The following CASP6 variants were observed in gnomAD, a reference collection of about 807,000 sequenced individuals.
CASP6 encodes the protein caspase-6.
A neutral mutation model predicts 31.8 loss-of-function variants in CASP6; 20 were observed. The observed-to-expected ratio is 0.63, with a 90% CI of 0.44 to 0.91. The LOEUF (loss-of-function observed/expected upper bound fraction) is 0.91. Among genes scored for constraint, CASP6 ranks in the 40% least tolerant of loss-of-function variants. The pLI is 0.00. For missense variants in CASP6, 328 were observed against 361.1 expected (o/e 0.91, Z 0.74); for synonymous variants, 130 against 127.8 (o/e 1.02, Z -0.12).
chr4:109,708,551 T>C (rs763297066), upstream of CASP6, among the ~76,000 whole-genome samples: 3 of 152,220 alleles, frequency 2.0e-5, no homozygotes, highest in Admixed American at 1.3e-4. Context: ...GAATGAGTTA[T>C]CTGACCACCA....
intron 4 of CASP6, among the ~76,000 whole-genome samples, chr4:109,695,049 C>T (rs1203724500): frequency 2.6e-5 from 4 of 152,016 alleles, no homozygotes; most frequent in East Asian, 1.9e-4. Context: ...AGGCTAGTCT[C>T]GAACTCCTGA....
At position 109,688,874 on chromosome 4, in the gene CASP6, T is replaced by C. The variant is rs1224575794; in HGVS notation, c.*456A>G. The C allele has an allele frequency of 7.2e-6, 1 of 138,032 alleles. No individual in the cohort carries two copies. The highest frequency in any genetic ancestry group is 2.8e-5 in the African/African-American group (1 of 36,312). 8.6% of individuals were successfully genotyped at this position (138,032 alleles called of 1,614,324 possible). A position where few individuals can be genotyped will look rare whatever the true frequency, so the allele number is the denominator to read the frequency against. On this transcript the variant is annotated 3_prime_UTR_variant, in exon 7 of 7. Coordinates refer to ENST00000265164, the MANE Select transcript of CASP6 (RefSeq NM_001226.4). Reference sequence around the variant, plus strand: ...CCATGGCCAACATGAACTTTTTTTTTTTTTTTTTAAGGCAGTTCTCTGCTA... The same window carrying C: ...CCATGGCCAACATGAACTTTTTTTTCTTTTTTTTAAGGCAGTTCTCTGCTA...
At chr4:109,705,752 T>A (rs1278013414), upstream of CASP6, among the ~76,000 whole-genome samples, 1 of 150,572 alleles carries the variant, frequency 6.6e-6, no homozygotes, top group Non-Finnish European at 1.5e-5. Flanking sequence ...CCAAGGTGGA[T>A]TGCTTGAGGC....
chr4:109,708,007 T>G (rs564216414), upstream of CASP6, among the ~76,000 whole-genome samples: 1 of 152,032 alleles, frequency 6.6e-6, no homozygotes, highest in South Asian at 2.1e-4. Flanking sequence ...AACCTTAGAG[T>G]GGGAAAAAAA....
At chr4:109,696,525 T>G in intron 3 of CASP6, 39 bp from the exon 4 acceptor site, 1 of 1,419,902 alleles carries the variant, frequency 7.0e-7, no homozygotes, top group Non-Finnish European at 9.8e-7. Flanking sequence ...CTATAAACTT[T>G]TCAAAGTTGT....
chr4:109,703,859 A>G (rs1240268748), upstream of CASP6, among the ~76,000 whole-genome samples: 2 of 152,142 alleles, frequency 1.3e-5, no homozygotes, highest in Non-Finnish European at 2.9e-5. Flanking sequence ...TATACCGCTT[A>G]GCAGATACTG....
upstream of CASP6, among the ~76,000 whole-genome samples, chr4:109,706,168 T>TATATATATACATAC (rs1438834395): frequency 9.7e-5 from 9 of 92,488 alleles, no homozygotes; most frequent in African/African-American, 4.9e-4. Context: ...TATATATATA[T>TATATATATACATAC]ATACACACAC....
chr4:109,689,948 G>A (rs924473372), intron 6 of CASP6, among the ~76,000 whole-genome samples: 6 of 152,110 alleles, frequency 3.9e-5, no homozygotes, highest in Non-Finnish European at 4.4e-5. Context: ...ACTTTGGGAG[G>A]CTGAGGCAGG....
In CASP6 at chr4:109,689,414, G is replaced by GTCTT. The variant is rs747849698; in HGVS notation, c.794_797dup (p.Asp266GlufsTer20). On this transcript the variant is annotated frameshift_variant, in exon 7 of 7. Transcript: ENST00000265164. LOFTEE classifies it high-confidence loss of function. ...CCTGCTTCTTTCCAATTGCACTTGG[G>GTCTT]TCTTTGCAAAAGTCCACTCGGCGCT... 3.7e-6 allele frequency: 6 copies of GTCTT among 1,614,158 alleles called. No homozygotes were observed. In the Admixed American group the frequency reaches 5.0e-5, roughly 13 times the overall value.
intron 5 of CASP6, 61 bp downstream of exon 5, chr4:109,694,464 C>T: frequency 7.1e-7 from 1 of 1,411,940 alleles, no homozygotes; most frequent in Non-Finnish European, 9.3e-7. Context: ...GCTTTTAGAC[C>T]TTTATCACAT....
the CASP6 span, among the ~76,000 whole-genome samples, chr4:109,664,580 A>G: frequency 1.3e-5 from 2 of 151,990 alleles, no homozygotes; most frequent in Admixed American, 1.3e-4. Context: ...ATGCACCACC[A>G]TGCCTGGCTA....
At chr4:109,682,906 A>C in the CASP6 span, 3 of 565,546 alleles carry the variant, frequency 5.3e-6, no homozygotes, top group Middle Eastern at 7.6e-4. Flanking sequence ...CATTTTTCAG[A>C]TGAGGAAACT....
chr4:109,684,964 T>C, downstream of CASP6: 1 of 390,986 alleles, frequency 2.6e-6, no homozygotes, highest in Non-Finnish European at 4.5e-6. Flanking sequence ...CTTTGCCTCA[T>C]GGTTATTTAA....
At chr4:109,685,122 C>T (rs1579101161), downstream of CASP6, 3 of 586,890 alleles carry the variant, frequency 5.1e-6, no homozygotes, top group Admixed American at 2.8e-5. Flanking sequence ...CTCTCATGGC[C>T]ATTGCAAATA....
intron 4 of CASP6, 105 bp downstream of exon 4, chr4:109,696,305 C>A: frequency 1.3e-6 from 1 of 791,306 alleles, no homozygotes; most frequent in Non-Finnish European, 2.0e-6. Context: ...TAAATTAATA[C>A]TTTTTTTGTC....
Position 109,697,562 on chromosome 4 carries a change from T to G in CASP6, c.230+60A>C, listed in dbSNP as rs1052865542. The G allele has an allele frequency of 1.4e-5, 21 of 1,534,438 alleles. No homozygotes were observed. The African/African-American group carries it at 2.6e-4, about 19-fold the overall frequency. ...GATTACCAGCATGAACCACCACACCTGGCCAAAAGTAATTTTATCACTTAA... is the reference window on the plus strand; with the variant it reads ...GATTACCAGCATGAACCACCACACCGGGCCAAAAGTAATTTTATCACTTAA... On this transcript the variant is annotated intron_variant, in intron 3 of 6. Coordinates refer to ENST00000265164, the MANE Select transcript of CASP6 (RefSeq NM_001226.4).
intron 1 of CASP6, among the ~76,000 whole-genome samples, chr4:109,701,900 G>A (rs927857388): frequency 1.3e-5 from 2 of 151,918 alleles, no homozygotes; most frequent in African/African-American, 4.8e-5. Flanking sequence ...CCATCCCCAC[G>A]CAGCCCCTCC....
chr4:109,692,219 T>C (rs1046863178), intron 5 of CASP6: 1 of 152,224 alleles, frequency 6.6e-6, no homozygotes, highest in Non-Finnish European at 1.5e-5. Flanking sequence ...TTTTTTCTAC[T>C]GTCCTTCCTA....
chr4:109,674,440 T>G, the CASP6 span, among the ~76,000 whole-genome samples: 7 of 152,252 alleles, frequency 4.6e-5, no homozygotes, highest in Non-Finnish European at 7.3e-5. Flanking sequence ...AGGCCAATCC[T>G]GAAGGTACTC....
Sources: gnomAD v4.1 joint callset for allele counts (sites outside exome capture counted in the v4.1 genomes callset) on GRCh38, gnomAD v4.1.1 for gene constraint, MANE v1.5 for transcripts, NCBI Gene and HGNC (gene_info 2026-07-23, HGNC 2026-07-21) for gene names.